CHCHD4: variants seen among roughly 807,000 people sequenced by gnomAD.
The protein encoded by CHCHD4 is mitochondrial intermembrane space import and assembly protein 40.
CHCHD4 carries 7 observed loss-of-function variants against 12.4 expected under a neutral mutation model. That is an observed-to-expected ratio of 0.57 (90% CI 0.32 to 1.06). The LOEUF (loss-of-function observed/expected upper bound fraction) is 1.06. Among genes scored for constraint, CHCHD4 ranks in the 50% least tolerant of loss-of-function variants. The probability of loss-of-function intolerance (pLI) is 0.04; values close to 1 mark genes in which losing one functional copy is unlikely to be tolerated. For synonymous variants in CHCHD4, 56 were observed against 58.0 expected, an observed-to-expected ratio of 0.97 and a Z score of 0.16; for missense variants, 143 against 175.1, an observed-to-expected ratio of 0.82 and a Z score of 1.03.
In CHCHD4 at chr3:14,113,165, AGTTAAT is replaced by A; in HGVS notation, c.145_150del (p.Ile49_Asn50del). On this transcript the variant is annotated inframe_deletion, in exon 3 of 3. Coordinates refer to ENST00000396914, the MANE Select transcript of CHCHD4 (RefSeq NM_001098502.2). ...ATTCCCCCAAGGCATGGGCAGTTCC[AGTTAAT>A]GTTTCCATTTGGCAGTATCAATCCT... 6.2e-7 allele frequency: 1 copy of A among 1,611,206 alleles called. No homozygotes were observed. Among genetic ancestry groups the A allele is most frequent in the Non-Finnish European group, 8.5e-7 (1 of 1,178,530 alleles).
intron 1 of CHCHD4, among the ~76,000 whole-genome samples, chr3:14,122,754 A>C (rs1694950228): frequency 1.3e-5 from 2 of 152,228 alleles, no homozygotes; most frequent in Admixed American, 1.3e-4. Context: ...GTAAGATGGC[A>C]AAAAATAAAA....
intron 2 of CHCHD4, among the ~76,000 whole-genome samples, chr3:14,113,718 T>G (rs1314341143): frequency 6.6e-6 from 1 of 152,126 alleles, no homozygotes; most frequent in Admixed American, 6.5e-5. Context: ...CCTTATGTAC[T>G]GACGAAGAAA....
intron 1 of CHCHD4, chr3:14,119,311 G>C (rs2124977180): frequency 6.6e-6 from 1 of 152,372 alleles, no homozygotes; most frequent in South Asian, 2.1e-4. Flanking sequence ...GAGACCACAG[G>C]ATCTGAGAAA....
chr3:14,124,714 G>A lies in CHCHD4; in HGVS notation c.-38C>T, dbSNP rs1216400368. On this transcript the variant is annotated 5_prime_UTR_variant, in exon 1 of 3. Coordinates refer to ENST00000396914, the MANE Select transcript of CHCHD4 (RefSeq NM_001098502.2). ...TCCCTGAGACCTTGCAGAAGCGGCG[G>A]TGGCGGCAGCTGCACCTTTACGCCG... 4 of 1,516,420 alleles carry A rather than the reference G, an allele frequency of 2.6e-6. No homozygotes were observed. Among genetic ancestry groups the A allele is most frequent in the South Asian group, 2.5e-5 (2 of 80,582 alleles). The allele number at this position is 1,516,420 out of a possible 1,614,324, so 93.9% of individuals were successfully genotyped here. A position where few individuals can be genotyped will look rare whatever the true frequency, so the allele number is the denominator to read the frequency against.
At chr3:14,118,495 G>T (rs909034338) in intron 1 of CHCHD4, among the ~76,000 whole-genome samples, 19 of 152,194 alleles carry the variant, frequency 1.2e-4, no homozygotes, top group African/African-American at 3.9e-4. Flanking sequence ...ACAGTTCAGG[G>T]GACAGAGGGA....
At chr3:14,113,519 G>A (rs916226044) in intron 2 of CHCHD4, among the ~76,000 whole-genome samples, 2 of 152,280 alleles carry the variant, frequency 1.3e-5, no homozygotes. Flanking sequence ...GGTTAGTGAG[G>A]AGCTTTTTGA....
At chr3:14,114,549 G>A (rs1044924842) in intron 2 of CHCHD4, among the ~76,000 whole-genome samples, 5 of 152,094 alleles carry the variant, frequency 3.3e-5, no homozygotes, top group Non-Finnish European at 5.9e-5. Flanking sequence ...ATTTGCAAAT[G>A]CTGCCCCCTG....
At chr3:14,121,878 TAAG>T (rs1694938749) in intron 1 of CHCHD4, 2 of 1,614,060 alleles carry the variant, frequency 1.2e-6, no homozygotes, top group Middle Eastern at 1.6e-4. Context: ...GACAGAGTGT[TAAG>T]AAGAATGCAA....
At chr3:14,122,398 A>G (rs922402832) in intron 1 of CHCHD4, among the ~76,000 whole-genome samples, 2 of 152,228 alleles carry the variant, frequency 1.3e-5, no homozygotes, top group African/African-American at 4.8e-5. Context: ...CGTGTGCTCT[A>G]TAATTGTTGA....
rs1445091284 is a variant in CHCHD4 at position 14,113,160 on chromosome 3, G to A, written c.156C>T (p.Asn52=). The A allele has an allele frequency of 1.9e-6, 3 of 1,612,074 alleles. No individual in the cohort carries two copies. In the South Asian group the frequency reaches 3.3e-5, roughly 18 times the overall value. ...TGGCCATTCCCCCAAGGCATGGGCA[G>A]TTCCAGTTAATGTTTCCATTTGGCA... ...LILPNGNINW[N]CPCLGGMASG... Residue 52 remains asparagine, a synonymous_variant, in exon 3 of 3, where the codon AAC becomes AAT. Transcript: ENST00000396914.
intron 1 of CHCHD4, among the ~76,000 whole-genome samples, chr3:14,124,244 G>C (rs1279089408): frequency 6.6e-6 from 1 of 152,208 alleles, no homozygotes; most frequent in Non-Finnish European, 1.5e-5. Flanking sequence ...AACTTTTCGG[G>C]ACGCGCCTTT....
chr3:14,124,504 C>A (rs1574934151), intron 1 of CHCHD4, 151 bp downstream of exon 1: 6 of 564,810 alleles, frequency 1.1e-5, no homozygotes, highest in Non-Finnish European at 1.7e-5. Flanking sequence ...GAGTAGCGAC[C>A]CCCCAGCCGG....
chr3:14,118,063 T>C (rs990829061), intron 1 of CHCHD4, among the ~76,000 whole-genome samples: 1 of 152,242 alleles, frequency 6.6e-6, no homozygotes, highest in Non-Finnish European at 1.5e-5. Flanking sequence ...TTTCTTGTAC[T>C]TTCCTGGTGA....
chr3:14,122,071 C>A (rs1256241294), intron 1 of CHCHD4: 1 of 1,599,068 alleles, frequency 6.3e-7, no homozygotes, highest in Admixed American at 1.7e-5. Flanking sequence ...CCAGAAGGAA[C>A]CATCCTGGGC....
chr3:14,114,648 C>T (rs758318362), intron 2 of CHCHD4, among the ~76,000 whole-genome samples: 2 of 152,042 alleles, frequency 1.3e-5, no homozygotes, highest in African/African-American at 4.8e-5. Flanking sequence ...TACAAATTGA[C>T]CAGGTGGTTG....
intron 1 of CHCHD4, among the ~76,000 whole-genome samples, chr3:14,120,476 C>T (rs944671465): frequency 6.6e-6 from 1 of 152,168 alleles, no homozygotes; most frequent in African/African-American, 2.4e-5. Context: ...GGAGCACCTT[C>T]CCTTCCCTCA....
chr3:14,115,268 TA>T (rs144313301), intron 2 of CHCHD4, among the ~76,000 whole-genome samples: 3,839 of 150,984 alleles, frequency 0.025, 175 homozygotes, highest in African/African-American at 0.088. Flanking sequence ...CAGAAGCAGG[TA>T]AAAAAAAACA....
chr3:14,120,324 A>G (rs1479496337), intron 1 of CHCHD4, among the ~76,000 whole-genome samples: 4 of 152,138 alleles, frequency 2.6e-5, no homozygotes, highest in Non-Finnish European at 5.9e-5. Flanking sequence ...AAATACATCC[A>G]GAAAGAGCTG....
At chr3:14,124,633 C>A in intron 1 of CHCHD4, 22 bp downstream of exon 1, 10 of 1,509,194 alleles carry the variant, frequency 6.6e-6, no homozygotes, top group Non-Finnish European at 8.8e-6. Context: ...GGCCGGTCTC[C>A]GTGGCAGCCC....
Sources: allele counts gnomAD v4.1 joint callset (sites outside exome capture counted in the v4.1 genomes callset), GRCh38; gene constraint gnomAD v4.1.1; transcripts MANE v1.5; gene names NCBI Gene and HGNC (gene_info 2026-07-23, HGNC 2026-07-21).